MLIP: variants seen among roughly 807,000 people sequenced by gnomAD.
MLIP encodes the protein muscular LMNA-interacting protein.
A neutral mutation model predicts 84.8 loss-of-function variants in MLIP; 79 were observed. The ratio of observed to expected loss-of-function variants is 0.93; its 90% confidence interval spans 0.78 to 1.12. The LOEUF is 1.12. MLIP is among the 50% of genes most tolerant of loss of function. MLIP has a pLI of 0.00. For synonymous variants in MLIP, 504 were observed against 463.0 expected, an observed-to-expected ratio of 1.09 and a Z score of -1.14; for missense variants, 1,257 against 1,160.6, an observed-to-expected ratio of 1.08 and a Z score of -1.21.
intron 1 of MLIP, chr6:54,047,647 G>T (rs761658080): frequency 2.0e-5 from 3 of 152,172 alleles, no homozygotes; most frequent in African/African-American, 7.2e-5. Flanking sequence ...CTGACCTATC[G>T]ACGTGATGTC....
chr6:54,217,169 C>T (rs1779910945), intron 11 of MLIP: 2 of 985,256 alleles, frequency 2.0e-6, no homozygotes, highest in African/African-American at 3.5e-5. Flanking sequence ...ACAAAGGTGT[C>T]TTGTACTCAG....
At chr6:54,126,966 T>C (rs1770971359) in intron 3 of MLIP, among the ~76,000 whole-genome samples, 1 of 152,124 alleles carries the variant, frequency 6.6e-6, no homozygotes, top group African/African-American at 2.4e-5. Context: ...TCTTTTTCTA[T>C]CTACATCTTT....
At chr6:54,022,486 G>T (rs1023777681) in intron 1 of MLIP, among the ~76,000 whole-genome samples, 3 of 152,030 alleles carry the variant, frequency 2.0e-5, no homozygotes, top group Non-Finnish European at 2.9e-5. Context: ...ATTCAAGCTG[G>T]GTATATTTGT....
chr6:54,138,829 A>C (rs187638943), intron 4 of MLIP, among the ~76,000 whole-genome samples: 2 of 152,328 alleles, frequency 1.3e-5, no homozygotes, highest in Admixed American at 1.3e-4. Flanking sequence ...TTCTCAAGTA[A>C]TTCAGATTGT....
intron 13 of MLIP, among the ~76,000 whole-genome samples, chr6:54,264,052 T>G (rs75916942): frequency 0.043 from 6,580 of 152,148 alleles, 458 homozygotes; most frequent in African/African-American, 0.15. Context: ...ATAGTACAAC[T>G]TTTCCAACTG....
intron 1 of MLIP, among the ~76,000 whole-genome samples, chr6:54,070,692 C>G (rs1258358649): frequency 6.6e-6 from 1 of 152,044 alleles, no homozygotes; most frequent in Non-Finnish European, 1.5e-5. Flanking sequence ...GTCATGCACT[C>G]TTTTTGCAGT....
chr6:54,110,113 G>A (rs1279385426), upstream of MLIP, among the ~76,000 whole-genome samples: 1 of 150,940 alleles, frequency 6.6e-6, no homozygotes, highest in East Asian at 2.0e-4. Flanking sequence ...CTCCCGATTA[G>A]CTGGGACTAC....
rs567606426 is a variant in MLIP, at chr6:54,120,831, C to T, written c.97-616C>T. ...CTTTTTTCTGCTTGTGAGTAGTCTA[C>T]TGACTGTTTCCTGTTCACCGTTGTT... On this transcript the variant is annotated intron_variant, in intron 1 of 13. Coordinates refer to ENST00000502396, the MANE Select transcript of MLIP (RefSeq NM_001281747.2). Among the ~76,000 whole-genome samples the T allele has an allele frequency of 3.3e-5, 5 of 152,210 alleles. No homozygotes were observed. The South Asian group carries it at 1.0e-3, about 32-fold the overall frequency.
chr6:54,066,043 G>A (rs1411496658), intron 1 of MLIP, among the ~76,000 whole-genome samples: 1 of 97,112 alleles, frequency 1.0e-5, no homozygotes, highest in African/African-American at 2.6e-5. Context: ...ATTTATCTTA[G>A]GTGTAGAATC....
chr6:54,108,645 TAGAGG>T (rs1463617406), upstream of MLIP, among the ~76,000 whole-genome samples: 1 of 152,192 alleles, frequency 6.6e-6, no homozygotes, highest in South Asian at 2.1e-4. Flanking sequence ...AGAAAATGGT[TAGAGG>T]AAAGTTACCA....
At chr6:54,149,451 G>A (rs551833292) in intron 5 of MLIP, among the ~76,000 whole-genome samples, 102 of 152,170 alleles carry the variant, frequency 6.7e-4, no homozygotes, top group Non-Finnish European at 1.2e-3. Context: ...TCCATATCAA[G>A]AACTTTCATA....
chr6:54,189,788 A>G (rs1777736079), intron 9 of MLIP, 82 bp from the exon 10 acceptor site: 1 of 1,080,398 alleles, frequency 9.3e-7, no homozygotes, highest in African/African-American at 1.6e-5. Flanking sequence ...ATAATAATAA[A>G]CAAACTTCAA....
chr6:54,240,919 T>C (rs1447016432), intron 12 of MLIP, among the ~76,000 whole-genome samples: 2 of 152,056 alleles, frequency 1.3e-5, no homozygotes, highest in African/African-American at 4.8e-5. Flanking sequence ...GAGGTTGCAG[T>C]GAGCCCAAAT....
chr6:54,113,485 G>T (rs909209752), intron 1 of MLIP, among the ~76,000 whole-genome samples: 1 of 152,056 alleles, frequency 6.6e-6, no homozygotes, highest in Non-Finnish European at 1.5e-5. Flanking sequence ...ACAATATAAA[G>T]CACTGATTTA....
intron 5 of MLIP, among the ~76,000 whole-genome samples, chr6:54,151,689 A>G (rs1773460438): frequency 6.6e-6 from 1 of 152,156 alleles, no homozygotes; most frequent in Non-Finnish European, 1.5e-5. Context: ...TGTCTTAGCT[A>G]TTTCAACAAT....
At chr6:54,049,357 ACTTG>A (rs2150314670) in intron 1 of MLIP, among the ~76,000 whole-genome samples, 1 of 152,324 alleles carries the variant, frequency 6.6e-6, no homozygotes, top group South Asian at 2.1e-4. Flanking sequence ...ATGTGAACCT[ACTTG>A]CTTGCTCACA....
Position 54,143,837 on chromosome 6 carries a change from A to C in MLIP, c.2218-5219A>C, listed in dbSNP as rs111960630. Among the ~76,000 whole-genome samples the C allele has an allele frequency of 4.1e-4, 62 of 152,288 alleles. 1 individual carries two copies. The highest frequency in any genetic ancestry group is 1.5e-3 in the African/African-American group (61 of 41,572). ...AACATCTTTTCTCTGCCAGGTTTGT[A>C]TTAGGTGTTGAAAATAAATGAACAA... On this transcript the variant is annotated intron_variant, in intron 4 of 13. Coordinates refer to ENST00000502396, the MANE Select transcript of MLIP (RefSeq NM_001281747.2).
intron 1 of MLIP, among the ~76,000 whole-genome samples, chr6:54,074,919 C>A (rs1460296975): frequency 1.3e-5 from 2 of 152,036 alleles, no homozygotes; most frequent in East Asian, 3.9e-4. Flanking sequence ...CTAACTTCTT[C>A]ATTTGCAAAA....
intron 9 of MLIP, among the ~76,000 whole-genome samples, chr6:54,175,286 G>A (rs1316924112): frequency 6.6e-6 from 1 of 151,984 alleles, no homozygotes; most frequent in Non-Finnish European, 1.5e-5. Flanking sequence ...TGTGAAGAAT[G>A]TCATTGGTAT....
Sources: allele counts gnomAD v4.1 joint callset (sites outside exome capture counted in the v4.1 genomes callset), GRCh38; gene constraint gnomAD v4.1.1; transcripts MANE v1.5; gene names NCBI Gene and HGNC (gene_info 2026-07-23, HGNC 2026-07-21).